The following ARL15 variants were observed in gnomAD, a reference collection of about 807,000 sequenced individuals.
The protein encoded by ARL15 is ARF like GTPase 15.
In ARL15, 19 loss-of-function variants were observed where a neutral mutation model predicts 25.2. The observed-to-expected ratio is 0.75, with a 90% confidence interval of 0.53 to 1.10. ARL15 has a LOEUF of 1.10. ARL15 is among the 50% of genes least tolerant of loss of function. ARL15 has a pLI of 0.00. For missense variants in ARL15, 220 were observed against 246.0 expected (o/e 0.89, Z 0.71); for synonymous variants, 94 against 86.8 (o/e 1.08, Z -0.46).
At chr5:54,134,810 CTT>C (rs1753553065) in intron 3 of ARL15, among the ~76,000 whole-genome samples, 1 of 151,862 alleles carries the variant, frequency 6.6e-6, no homozygotes, top group African/African-American at 2.4e-5. Context: ...GTCTCAATCT[CTT>C]GACATGGTGA....
intron 4 of ARL15, among the ~76,000 whole-genome samples, chr5:54,104,173 C>T (rs1469755118): frequency 6.6e-6 from 1 of 152,190 alleles, no homozygotes; most frequent in Non-Finnish European, 1.5e-5. Context: ...GTCTGCTGCA[C>T]ATTATGAATA....
intron 4 of ARL15, among the ~76,000 whole-genome samples, chr5:53,941,765 T>C (rs189829022): frequency 6.6e-5 from 10 of 152,278 alleles, no homozygotes; most frequent in Admixed American, 5.2e-4. Flanking sequence ...TTGTTGGTGT[T>C]TTCTCGCTTT....
chr5:54,135,427 A>G (rs1472799379), intron 3 of ARL15, among the ~76,000 whole-genome samples: 2 of 152,192 alleles, frequency 1.3e-5, no homozygotes, highest in African/African-American at 4.8e-5. Context: ...AGACCACATC[A>G]TAGGAAAAAT....
intron 1 of ARL15, among the ~76,000 whole-genome samples, chr5:54,173,195 AAAAAG>A (rs1354024283): frequency 3.3e-5 from 5 of 150,286 alleles, no homozygotes; most frequent in East Asian, 2.0e-4. Flanking sequence ...GAAAAAAAAA[AAAAAG>A]AAAAGAAAAG....
At chr5:53,969,807 G>A (rs1333875242) in intron 4 of ARL15, among the ~76,000 whole-genome samples, 4 of 151,986 alleles carry the variant, frequency 2.6e-5, no homozygotes, top group African/African-American at 7.3e-5. Context: ...TAATAAAAAT[G>A]TAAGTGGCTA....
chr5:54,129,860 A>C (rs565067113), intron 3 of ARL15, among the ~76,000 whole-genome samples: 1 of 152,332 alleles, frequency 6.6e-6, no homozygotes, highest in East Asian at 1.9e-4. Context: ...AATTCTTTTT[A>C]AAACATAGCC....
chr5:54,085,210 G>A (rs1179212758), intron 4 of ARL15, among the ~76,000 whole-genome samples: 1 of 152,182 alleles, frequency 6.6e-6, no homozygotes, highest in African/African-American at 2.4e-5. Flanking sequence ...GCTTCAGAAT[G>A]CTTAGCAAAC....
intron 4 of ARL15, among the ~76,000 whole-genome samples, chr5:53,910,621 A>AT (rs1435593137): frequency 5.9e-5 from 1 of 17,064 alleles, no homozygotes; most frequent in African/African-American, 1.0e-4. Flanking sequence ...CTTAAAGTAT[A>AT]ATAAAAAAAA....
intron 4 of ARL15, among the ~76,000 whole-genome samples, chr5:54,111,855 G>A (rs1168132844): frequency 6.6e-6 from 1 of 152,018 alleles, no homozygotes; most frequent in East Asian, 1.9e-4. Flanking sequence ...TCTATAGGCA[G>A]AAAAACTGAT....
intron 1 of ARL15, among the ~76,000 whole-genome samples, chr5:54,240,243 A>C (rs1013645744): frequency 6.9e-6 from 1 of 145,092 alleles, no homozygotes; most frequent in Non-Finnish European, 1.5e-5. Context: ...AAAAAAAAAA[A>C]AAACACATCG....
chr5:54,308,901 C>G (rs1758826701), intron 1 of ARL15, among the ~76,000 whole-genome samples: 1 of 152,172 alleles, frequency 6.6e-6, no homozygotes, highest in African/African-American at 2.4e-5. Flanking sequence ...TTTAGTAGTA[C>G]AGGCAATGTC....
At chr5:53,892,641 C>T (rs1251064080) in intron 4 of ARL15, among the ~76,000 whole-genome samples, 1 of 149,864 alleles carries the variant, frequency 6.7e-6, no homozygotes, top group Non-Finnish European at 1.5e-5. Context: ...CTAGCTCTGT[C>T]ACCCAGGCTG....
intron 1 of ARL15, among the ~76,000 whole-genome samples, chr5:54,217,966 G>A (rs1013203183): frequency 6.6e-6 from 1 of 152,106 alleles, no homozygotes; most frequent in East Asian, 1.9e-4. Context: ...ATTGCTTAAT[G>A]TAACTAATCA....
At chr5:54,140,564 G>A (rs1561239761) in intron 3 of ARL15, among the ~76,000 whole-genome samples, 2 of 152,094 alleles carry the variant, frequency 1.3e-5, no homozygotes, top group African/African-American at 4.8e-5. Flanking sequence ...ACTCCATGGA[G>A]ATCACTGATG....
rs149051746 is a variant in ARL15 at position 54,258,676 on chromosome 5, C to T, written c.48+51756G>A. On this transcript the variant is annotated intron_variant, in intron 1 of 4. Coordinates refer to ENST00000504924, the MANE Select transcript of ARL15 (RefSeq NM_019087.3). ...AAAGTCCCCAATGCAGCTCAACATC[C>T]TCTGGAGTAATGGAAAGCCACCAGA... is the stretch of plus-strand genomic sequence containing the variant. Among the ~76,000 whole-genome samples the T allele has an allele frequency of 6.0e-3, 919 of 152,296 alleles. 18 individuals are homozygous for T. Among genetic ancestry groups the T allele is most frequent in the African/African-American group, 0.021 (881 of 41,554 alleles).
At chr5:54,199,679 C>G (rs967352211) in intron 1 of ARL15, among the ~76,000 whole-genome samples, 1 of 151,430 alleles carries the variant, frequency 6.6e-6, no homozygotes, top group African/African-American at 2.4e-5. Context: ...AACAGGAACA[C>G]TCTTACACTG....
chr5:54,270,865 AGT>A (rs1757766084), intron 1 of ARL15, among the ~76,000 whole-genome samples: 1 of 152,238 alleles, frequency 6.6e-6, no homozygotes, highest in African/African-American at 2.4e-5. Context: ...TTGGCATGTG[AGT>A]CTGAGCGGAC....
At position 54,047,556 on chromosome 5, in the gene ARL15, C is replaced by T. The variant is rs114383859; in HGVS notation, c.462+65646G>A. Among the ~76,000 whole-genome samples the T allele has an allele frequency of 3.6e-4, 55 of 152,210 alleles. 1 individual carries two copies. Among genetic ancestry groups the T allele is most frequent in the African/African-American group, 1.3e-3 (53 of 41,500 alleles). On this transcript the variant is annotated intron_variant, in intron 4 of 4. Transcript: ENST00000504924. ...ACTCTGCTAGGGCATCGCTGTGGCC[C>T]GGAGGTAGAGTACTGACAGTGACAG...
intron 1 of ARL15, among the ~76,000 whole-genome samples, chr5:54,233,244 C>T (rs1346278500): frequency 1.3e-5 from 2 of 152,156 alleles, no homozygotes; most frequent in Non-Finnish European, 2.9e-5. Context: ...GAAAAGTACT[C>T]GTGAACCTAA....
Sources: allele counts gnomAD v4.1 joint callset (sites outside exome capture counted in the v4.1 genomes callset), GRCh38; gene constraint gnomAD v4.1.1; transcripts MANE v1.5; gene names NCBI Gene and HGNC (gene_info 2026-07-23, HGNC 2026-07-21).